Variants in MAML1 observed in about 807,000 individuals in gnomAD.
MAML1 encodes mastermind like transcriptional coactivator 1.
Under a neutral mutation model 77.1 loss-of-function variants are expected in MAML1, and 14 were observed. That is an observed-to-expected ratio of 0.18 (90% CI 0.12 to 0.28). The LOEUF is 0.28. Ranked by LOEUF, MAML1 falls within the 10% of genes least tolerant of loss-of-function variation. The probability of loss-of-function intolerance (pLI) is 1.00; values close to 1 mark genes in which losing one functional copy is unlikely to be tolerated. For missense variants in MAML1, 1,217 were observed against 1,327.8 expected, an observed-to-expected ratio of 0.92 and a Z score of 1.30; for synonymous variants, 516 against 551.9, an observed-to-expected ratio of 0.93 and a Z score of 0.91.
chr5:179,770,016 T>C (rs1755945375), intron 3 of MAML1, among the ~76,000 whole-genome samples: 1 of 152,202 alleles, frequency 6.6e-6, no homozygotes, highest in Non-Finnish European at 1.5e-5. Flanking sequence ...ATTTTTAGTA[T>C]ATCACAGAGT....
chr5:179,766,530 G>T lies in MAML1; in HGVS notation c.1520G>T (p.Gly507Val), dbSNP rs554743914. Residue 507 changes from glycine to valine, a missense_variant, in exon 2 of 5, where the codon GGG (glycine) becomes GTG (valine). Gly to Val is a moderately radical substitution (Grantham distance 109, BLOSUM62 -3). Coordinates refer to ENST00000292599, the MANE Select transcript of MAML1 (RefSeq NM_014757.5). The surrounding 1 kb of genome is among the most constrained non-coding windows in gnomAD (Gnocchi z 4.0). ...AATCAGAACTCCGCGAATAACCAGG[G>T]GTCTGTGCTGGACTACGGCAATACA... is the stretch of plus-strand genomic sequence containing the variant. Reference protein sequence around the residue: ...NLNQNSANNQGSVLDYGNTKP... With the variant: ...NLNQNSANNQVSVLDYGNTKP... The T allele has an allele frequency of 1.2e-6, 2 of 1,603,726 alleles. No individual in the cohort carries two copies. Among genetic ancestry groups the T allele is most frequent in the South Asian group, 2.2e-5 (2 of 89,814 alleles).
At position 179,774,271 on chromosome 5, in the gene MAML1, C is replaced by G. The variant is rs374719628; in HGVS notation, c.2445C>G (p.Thr815=). 16 of 1,613,316 alleles carry G rather than the reference C, an allele frequency of 9.9e-6. No individual in the cohort carries two copies. The highest frequency in any genetic ancestry group is 1.4e-5 in the Non-Finnish European group (16 of 1,179,982). Residue 815 remains threonine (T), a synonymous_variant, in exon 5 of 5, where the codon ACC becomes ACG. Coordinates refer to ENST00000292599, the MANE Select transcript of MAML1 (RefSeq NM_014757.5). ...SGLSQQHNKG[T]LNPGLTKPPV... is the part of the protein sequence containing the mutation. ...TCTCCCAGCAGCACAATAAGGGGAC[C>G]CTGAACCCTGGTTTAACAAAGCCAC...
Position 179,733,247 on chromosome 5 carries a change from G to C in MAML1, c.135G>C (p.Ser45=). The C allele has an allele frequency of 1.4e-6, 2 of 1,473,512 alleles. No individual in the cohort carries two copies. The highest frequency in any genetic ancestry group is 6.0e-5 in the East Asian group (2 of 33,360). The allele number at this position is 1,473,512 out of a possible 1,614,324, so 91.3% of individuals were successfully genotyped here. Residue 45 remains serine, a synonymous_variant, in exon 1 of 5, where the codon TCG becomes TCC. Coordinates refer to ENST00000292599, the MANE Select transcript of MAML1 (RefSeq NM_014757.5). The part of the protein sequence containing the change: ...STCEARYEAV[S]PERLELERQH... ...GCGAGGCCCGCTACGAGGCCGTGTCGCCCGAGCGCCTGGAGCTGGAGCGCC... is the reference window on the plus strand; with the variant it reads ...GCGAGGCCCGCTACGAGGCCGTGTCCCCCGAGCGCCTGGAGCTGGAGCGCC...
chr5:179,772,060 G>A (rs1756005253), intron 4 of MAML1, among the ~76,000 whole-genome samples: 1 of 152,162 alleles, frequency 6.6e-6, no homozygotes, highest in African/African-American at 2.4e-5. Context: ...CTGACATTTT[G>A]TGGATTATTG....
In MAML1 at chr5:179,774,540, C is replaced by T; in HGVS notation, c.2714C>T (p.Pro905Leu). ...GCTGCCGTGGGGTCCTTGCTACCCC[C>T]AGTGAGTGCACAGCAGAGGACCAGC... is the stretch of plus-strand genomic sequence containing the variant. ...SAAAVGSLLPPVSAQQRTSAP... is the reference protein window; with the variant it reads ...SAAAVGSLLPLVSAQQRTSAP... Residue 905 changes from proline to leucine, a missense_variant, in exon 5 of 5, where the codon CCA (proline) becomes CTA (leucine). By Grantham distance (98) the Pro-to-Leu change is moderately conservative (BLOSUM62 -3). Around this residue, in one of 3 missense-constraint regions of MAML1, gnomAD observed 884 missense variants for 949.3 expected, o/e 0.93. Transcript: ENST00000292599. 1 of 1,613,006 alleles carries T rather than the reference C, an allele frequency of 6.2e-7. No individual in the cohort carries two copies. The highest frequency in any genetic ancestry group is 8.5e-7 in the Non-Finnish European group (1 of 1,179,980).
chr5:179,763,292 C>CT (rs1382306240), intron 1 of MAML1, among the ~76,000 whole-genome samples: 1 of 152,184 alleles, frequency 6.6e-6, no homozygotes, highest in Admixed American at 6.5e-5. Flanking sequence ...TATAAAGGGT[C>CT]TATTTTATGT....
chr5:179,765,436 G>A lies in MAML1; in HGVS notation c.426G>A (p.Arg142=). The A allele has an allele frequency of 1.2e-6, 2 of 1,614,206 alleles. No homozygotes were observed. The highest frequency in any genetic ancestry group is 1.7e-6 in the Non-Finnish European group (2 of 1,180,028). Residue 142 remains arginine (R), a synonymous_variant, in exon 2 of 5, where the codon CGG becomes CGA. Coordinates refer to ENST00000292599, the MANE Select transcript of MAML1 (RefSeq NM_014757.5). ...DLFPGHKKTR[R]EAPLGVAISS... Reference sequence around the variant, plus strand: ...TTCCTGGGCATAAGAAGACTCGCCGGGAGGCCCCTCTGGGAGTTGCCATCT... The same window carrying A: ...TTCCTGGGCATAAGAAGACTCGCCGAGAGGCCCCTCTGGGAGTTGCCATCT...
chr5:179,754,644 C>T (rs1779576920), intron 1 of MAML1, among the ~76,000 whole-genome samples: 1 of 152,130 alleles, frequency 6.6e-6, no homozygotes, highest in Non-Finnish European at 1.5e-5. Context: ...GCCACTACCA[C>T]AGTGGTTCTC....
rs778038286 is a variant in MAML1, at chr5:179,774,483, C to A, written c.2657C>A (p.Pro886His). The A allele has an allele frequency of 6.2e-7, 1 of 1,613,304 alleles. No individual in the cohort carries two copies. The highest frequency in any genetic ancestry group is 8.5e-7 in the Non-Finnish European group (1 of 1,180,032). The stretch of plus-strand genomic sequence containing the variant: ...AGCCCGCAATTCTCCCAGGCAGTGC[C>A]CAACAGGCCCATGGCTCCCATGAGC... Reference protein sequence around the residue: ...MSSPQFSQAVPNRPMAPMSSA... With the variant: ...MSSPQFSQAVHNRPMAPMSSA... Residue 886 changes from proline to histidine, a missense_variant, in exon 5 of 5, where the codon CCC becomes CAC. By Grantham distance (77) the Pro-to-His change is moderately conservative. Coordinates refer to ENST00000292599, the MANE Select transcript of MAML1 (RefSeq NM_014757.5).
chr5:179,773,935 A>T lies in MAML1; in HGVS notation c.2109A>T (p.Pro703=), dbSNP rs759766141. 1.1e-5 allele frequency: 17 copies of T among 1,614,210 alleles called. No individual in the cohort carries two copies. The highest frequency in any genetic ancestry group is 1.4e-5 in the Non-Finnish European group (17 of 1,180,024). The stretch of plus-strand genomic sequence containing the variant: ...TGCCCGGCATGAACACCTTGGGTCC[A>T]TCCAACTCCAGCTGTCCTCGAGTGT... ...AAVPGMNTLG[P]SNSSCPRVFP... The change falls in exon 5 of 5, where the codon CCA becomes CCT. Residue 703 remains proline (P), a synonymous_variant. Transcript: ENST00000292599.
chr5:179,744,282 T>A (rs1779339490), intron 1 of MAML1, among the ~76,000 whole-genome samples: 1 of 151,974 alleles, frequency 6.6e-6, no homozygotes, highest in Non-Finnish European at 1.5e-5. Flanking sequence ...CTCCCCCGGG[T>A]TTAAGCAGTT....
chr5:179,768,926 C>T lies in MAML1; in HGVS notation c.1808C>T (p.Ala603Val). The T allele has an allele frequency of 6.2e-7, 1 of 1,614,158 alleles. No homozygotes were observed. The highest frequency in any genetic ancestry group is 8.5e-7 in the Non-Finnish European group (1 of 1,180,038). ...VGTQPPAVSV[A>V]SSHNSSPYLS... ...ACCCAGCCGCCTGCCGTGTCCGTGG[C>T]CAGCTCCCACAACAGCTCCCCCTAT... Residue 603 changes from alanine (A) to valine (V), a missense_variant, in exon 3 of 5, where the codon GCC becomes GTC. By Grantham distance (64) the Ala-to-Val change is moderately conservative. Around this residue, in one of 3 missense-constraint regions of MAML1, gnomAD observed 884 missense variants for 949.3 expected, o/e 0.93. Coordinates refer to ENST00000292599, the MANE Select transcript of MAML1 (RefSeq NM_014757.5).
At position 179,766,346 on chromosome 5, in the gene MAML1, A is replaced by G; in HGVS notation, c.1336A>G (p.Met446Val). ...CAGTTCCTTAGATGTCCCTTACCCC[A>G]TGGAGAAGCCTGCCAGCCCTTCCAG... is the stretch of plus-strand genomic sequence containing the variant. ...SHSSLDVPYP[M>V]EKPASPSSYK... Residue 446 changes from methionine to valine, a missense_variant, in exon 2 of 5, where the codon ATG becomes GTG. Coordinates refer to ENST00000292599, the MANE Select transcript of MAML1 (RefSeq NM_014757.5). This position sits in a 1 kb window ranked among gnomAD's most constrained non-coding sequence, Gnocchi z 4.0. 6.2e-7 allele frequency: 1 copy of G among 1,605,824 alleles called. No homozygotes were observed. Among genetic ancestry groups the G allele is most frequent in the African/African-American group, 1.3e-5 (1 of 74,832 alleles).
At chr5:179,749,626 C>T (rs56335144) in intron 1 of MAML1, among the ~76,000 whole-genome samples, 35,010 of 152,102 alleles carry the variant, frequency 0.23, 4,598 homozygotes, top group Non-Finnish European at 0.3. Flanking sequence ...ATGTGTTCCA[C>T]CAAATTGAAA....
intron 1 of MAML1, among the ~76,000 whole-genome samples, chr5:179,748,008 T>C (rs1371824879): frequency 6.6e-6 from 1 of 151,398 alleles, no homozygotes; most frequent in Non-Finnish European, 1.5e-5. Flanking sequence ...GATAGGGGAG[T>C]TGTTCATGGA....
In MAML1 at chr5:179,761,163, G is replaced by T. The variant is rs537930859; in HGVS notation, c.316-4163G>T. On this transcript the variant is annotated intron_variant, in intron 1 of 4. Transcript: ENST00000292599. ...AATCCCAGCACTTTAGGAGGCTGAG[G>T]CAGGAGGGTCGCTTCGGCCCAGGAG... Among the ~76,000 whole-genome samples, 3 of 152,212 alleles carry T rather than the reference G, an allele frequency of 2.0e-5. No individual in the cohort carries two copies. The South Asian group carries it at 6.2e-4, about 32-fold the overall frequency.
In MAML1 at chr5:179,775,327, A is replaced by AT. The variant is rs3839291; in HGVS notation, c.*455dup. 0.15 allele frequency: 144,956 copies of AT among 986,368 alleles called. 10,960 individuals carry two copies. Among genetic ancestry groups the AT allele is most frequent in the East Asian group, 0.27 (2,364 of 8,854 alleles). The allele number at this position is 986,368 out of a possible 1,614,324, so 61.1% of individuals were successfully genotyped here. A position where few individuals can be genotyped will look rare whatever the true frequency, so the allele number is the denominator to read the frequency against. ...ATTTGCAATTTGTAGCATAGAAAAGATTTTTAAATTTTTTTACAAAAGGTT... is the reference window on the plus strand; with the variant it reads ...ATTTGCAATTTGTAGCATAGAAAAGATTTTTTAAATTTTTTTACAAAAGGTT... On this transcript the variant is annotated 3_prime_UTR_variant, in exon 5 of 5. Coordinates refer to ENST00000292599, the MANE Select transcript of MAML1 (RefSeq NM_014757.5).
intron 1 of MAML1, among the ~76,000 whole-genome samples, chr5:179,754,550 A>C (rs2113359132): frequency 6.6e-6 from 1 of 152,208 alleles, no homozygotes; most frequent in African/African-American, 2.4e-5. Context: ...GGATCACCCC[A>C]CTGCACTCCA....
intron 1 of MAML1, among the ~76,000 whole-genome samples, chr5:179,754,733 A>G (rs1779578310): frequency 6.6e-6 from 1 of 152,204 alleles, no homozygotes; most frequent in Admixed American, 6.5e-5. Flanking sequence ...TTTCTGACTC[A>G]GTGAGTATGG....
Sources: allele counts gnomAD v4.1 joint callset (sites outside exome capture counted in the v4.1 genomes callset), GRCh38; gene constraint gnomAD v4.1.1; regional missense constraint gnomAD v4.1.1; non-coding constraint Gnocchi (gnomAD v3.1); transcripts MANE v1.5; gene names NCBI Gene and HGNC (gene_info 2026-07-23, HGNC 2026-07-21).